Variants in RNLS observed in about 807,000 individuals in gnomAD.
The protein encoded by RNLS is renalase.
RNLS carries 39 observed loss-of-function variants against 39.8 expected under a neutral mutation model. That is an observed-to-expected ratio of 0.98 (90% confidence interval 0.76 to 1.28). RNLS has a LOEUF of 1.28. Among genes scored for constraint, RNLS ranks in the 50% most tolerant of loss-of-function variants. RNLS has a pLI of 0.00. For missense variants in RNLS, 410 were observed against 413.3 expected (o/e 0.99, Z 0.07); for synonymous variants, 147 against 150.7 (o/e 0.98, Z 0.18).
chr10:88,209,292 A>T, the RNLS span, among the ~76,000 whole-genome samples: 3 of 152,150 alleles, frequency 2.0e-5, no homozygotes, highest in Non-Finnish European at 4.4e-5. Context: ...TAGTTATTAT[A>T]GTTAAGATGC....
At position 88,535,749 on chromosome 10, in the gene RNLS, G is replaced by A. The variant is rs148291720; in HGVS notation, c.526+37154C>T. Among the ~76,000 whole-genome samples the A allele has an allele frequency of 4.3e-4, 65 of 152,232 alleles. 1 individual carries two copies. In the East Asian group the frequency reaches 0.012, roughly 28 times the overall value. On this transcript the variant is annotated intron_variant, in intron 4 of 6. Coordinates refer to ENST00000331772, the MANE Select transcript of RNLS (RefSeq NM_001031709.3). Reference sequence around the variant, plus strand: ...ATGATAGAAATAATAAACTAGAGTAGAAGAAAGTGTTGAGAAACTATCTCA... The same window carrying A: ...ATGATAGAAATAATAAACTAGAGTAAAAGAAAGTGTTGAGAAACTATCTCA...
chr10:88,581,217 C>A (rs1244961666), intron 3 of RNLS, among the ~76,000 whole-genome samples: 1 of 150,154 alleles, frequency 6.7e-6, no homozygotes, highest in Admixed American at 6.6e-5. Flanking sequence ...GGTATAGAAT[C>A]ATTTATGCAA....
Position 88,517,107 on chromosome 10 carries a change from T to C in RNLS, c.526+55796A>G, listed in dbSNP as rs530271854. Reference sequence around the variant, plus strand: ...TATAAAATCACCCAGCTAGGAATGGTGAAAGCTGTTAATCAGAAAGATAAC... The same window carrying C: ...TATAAAATCACCCAGCTAGGAATGGCGAAAGCTGTTAATCAGAAAGATAAC... On this transcript the variant is annotated intron_variant, in intron 4 of 6. Transcript: ENST00000331772. Among the ~76,000 whole-genome samples the C allele has an allele frequency of 2.6e-5, 4 of 152,088 alleles. No individual in the cohort carries two copies. In the South Asian group the frequency reaches 8.3e-4, roughly 32 times the overall value.
chr10:88,569,064 G>C (rs976898753), intron 4 of RNLS, among the ~76,000 whole-genome samples: 1 of 152,150 alleles, frequency 6.6e-6, no homozygotes, highest in African/African-American at 2.4e-5. Flanking sequence ...ATCCACTAGA[G>C]ACAGGGTGAA....
chr10:88,575,151 T>TATTAATTATATATAATTA (rs1850096136), intron 3 of RNLS, among the ~76,000 whole-genome samples: 2 of 46,802 alleles, frequency 4.3e-5, no homozygotes, highest in Admixed American at 2.6e-4. Context: ...TATATATATA[T>TATTAATTATATATAATTA]ATATATATAC....
intron 4 of RNLS, among the ~76,000 whole-genome samples, chr10:88,424,572 C>G (rs1200738068): frequency 6.6e-6 from 1 of 152,044 alleles, no homozygotes; most frequent in East Asian, 1.9e-4. Context: ...CAGCCCACAC[C>G]AATCATAAAG....
Position 88,403,706 on chromosome 10 carries a change from T to C in RNLS, c.527-40981A>G, listed in dbSNP as rs182736435. Among the ~76,000 whole-genome samples the C allele has an allele frequency of 3.9e-5, 6 of 152,088 alleles. No individual in the cohort carries two copies. The East Asian group carries it at 1.2e-3, about 29-fold the overall frequency. On this transcript the variant is annotated intron_variant, in intron 4 of 6. Transcript: ENST00000331772. ...TAAAGGATTCTTGTAGCTTTTTTTT[T>C]TCCTGGCTAACTAAAATACATAAAT...
At chr10:88,310,998 T>C (rs1261895729) in intron 6 of RNLS, among the ~76,000 whole-genome samples, 1 of 152,126 alleles carries the variant, frequency 6.6e-6, no homozygotes, top group Non-Finnish European at 1.5e-5. Context: ...TATTCATTCA[T>C]TTCCTGCCCC....
At chr10:88,272,100 G>GC (rs1351921628), downstream of RNLS, among the ~76,000 whole-genome samples, 3 of 152,204 alleles carry the variant, frequency 2.0e-5, no homozygotes, top group East Asian at 5.8e-4. Context: ...TGGTCAGTGT[G>GC]CCCCAGCATC....
At chr10:88,249,546 C>G in the RNLS span, among the ~76,000 whole-genome samples, 1 of 152,124 alleles carries the variant, frequency 6.6e-6, no homozygotes. Context: ...TGTGAAGACT[C>G]AAAGACTCAG....
the RNLS span, among the ~76,000 whole-genome samples, chr10:88,261,005 G>A: frequency 6.6e-6 from 1 of 152,204 alleles, no homozygotes; most frequent in African/African-American, 2.4e-5. Context: ...AGAATTAGGG[G>A]ATGGAGATAT....
chr10:88,462,353 C>T (rs773114642), intron 4 of RNLS, among the ~76,000 whole-genome samples: 6 of 151,980 alleles, frequency 3.9e-5, no homozygotes, highest in Non-Finnish European at 7.4e-5. Context: ...CTTTGTGTTA[C>T]AAACAATCCA....
chr10:88,500,510 T>C (rs1389920126), intron 4 of RNLS, among the ~76,000 whole-genome samples: 23 of 152,180 alleles, frequency 1.5e-4, no homozygotes, highest in Admixed American at 1.4e-3. Flanking sequence ...CTGGATTTTT[T>C]AGTTGCATTT....
At chr10:88,419,637 G>T (rs1460571358) in intron 4 of RNLS, among the ~76,000 whole-genome samples, 1 of 152,104 alleles carries the variant, frequency 6.6e-6, no homozygotes, top group Non-Finnish European at 1.5e-5. Flanking sequence ...AAAAAAATTT[G>T]ATTTCTTCAT....
chr10:88,188,317 A>G, the RNLS span, among the ~76,000 whole-genome samples: 1 of 152,220 alleles, frequency 6.6e-6, no homozygotes, highest in Non-Finnish European at 1.5e-5. Context: ...TTGGCTTCCC[A>G]AAGTGCTAGG....
chr10:88,338,968 A>G (rs937274328), intron 5 of RNLS, among the ~76,000 whole-genome samples: 2 of 152,068 alleles, frequency 1.3e-5, no homozygotes, highest in Admixed American at 6.5e-5. Flanking sequence ...TCACCGTGTT[A>G]GCCAGGATGG....
chr10:88,558,393 G>A (rs1383205205), intron 4 of RNLS, among the ~76,000 whole-genome samples: 1 of 152,146 alleles, frequency 6.6e-6, no homozygotes, highest in African/African-American at 2.4e-5. Flanking sequence ...CTTAACATAA[G>A]TATTCACAAA....
the RNLS span, among the ~76,000 whole-genome samples, chr10:88,250,380 G>A: frequency 1.3e-3 from 198 of 152,308 alleles, 1 homozygote; most frequent in Admixed American, 2.4e-3. Context: ...GCTTTATAAA[G>A]ATTTTGACCC....
chr10:88,569,225 A>G (rs567507088), intron 4 of RNLS, among the ~76,000 whole-genome samples: 14 of 152,322 alleles, frequency 9.2e-5, no homozygotes, highest in African/African-American at 3.1e-4. Context: ...GGTTTTAGCT[A>G]TATTGTTCAC....
Sources: gnomAD v4.1 joint callset for allele counts (sites outside exome capture counted in the v4.1 genomes callset) on GRCh38, gnomAD v4.1.1 for gene constraint, MANE v1.5 for transcripts, NCBI Gene and HGNC (gene_info 2026-07-23, HGNC 2026-07-21) for gene names.